The following HIVEP1 variants were observed in gnomAD, a reference collection of about 807,000 sequenced individuals.
HIVEP1 encodes the protein zinc finger protein 40.
Under a neutral mutation model 180.0 loss-of-function variants are expected in HIVEP1, and 36 were observed. The observed-to-expected ratio is 0.20, with a 90% confidence interval of 0.15 to 0.26. The LOEUF is 0.26. Among genes scored for constraint, HIVEP1 ranks in the 10% least tolerant of loss-of-function variants. The pLI, the probability that HIVEP1 is intolerant of heterozygous loss-of-function variation, is 1.00. For synonymous variants in HIVEP1, 1,239 were observed against 1,239.0 expected (o/e 1.00, Z 0.00); for missense variants, 3,143 against 3,268.7 (o/e 0.96, Z 0.94).
At chr6:12,180,535 ATT>A in the HIVEP1 span, among the ~76,000 whole-genome samples, 1 of 152,178 alleles carries the variant, frequency 6.6e-6, no homozygotes, top group Non-Finnish European at 1.5e-5. Context: ...CAAAATTATT[ATT>A]GTTTCTTAAT....
rs181045888 is a variant in HIVEP1, at chr6:12,134,127, A to G, written c.6386-1664A>G. On this transcript the variant is annotated intron_variant, in intron 6 of 8. Transcript: ENST00000379388. ...CCATTTTTATAATTTCTTAATGTGA[A>G]AACTTTAAAGCTGTCACATAAAAGT... Among the ~76,000 whole-genome samples the G allele has an allele frequency of 2.3e-3, 350 of 152,330 alleles. 3 individuals carry two copies. Among genetic ancestry groups the G allele is most frequent in the Non-Finnish European group, 3.2e-3 (218 of 68,028 alleles).
At chr6:12,204,378 T>C in the HIVEP1 span, among the ~76,000 whole-genome samples, 2 of 4,394 alleles carry the variant, frequency 4.6e-4, no homozygotes, top group African/African-American at 1.1e-3. Flanking sequence ...CCGTCTATCC[T>C]CCCCTTTCTC....
In HIVEP1 at chr6:12,031,797, T is replaced by C. The variant is rs150732000; in HGVS notation, c.40+16129T>C. On this transcript the variant is annotated intron_variant, in intron 2 of 8. Coordinates refer to ENST00000379388, the MANE Select transcript of HIVEP1 (RefSeq NM_002114.4). ...GGTTCTTGACAGTTTTGTGTGGCTT[T>C]ATGGTTGCGTTTTGTGGAGAGGATT... Among the ~76,000 whole-genome samples, 10 of 152,312 alleles carry C rather than the reference T, an allele frequency of 6.6e-5. No homozygotes were observed. The East Asian group carries it at 1.9e-3, about 29-fold the overall frequency.
intron 3 of HIVEP1, among the ~76,000 whole-genome samples, chr6:12,111,069 T>G (rs775105197): frequency 6.4e-4 from 97 of 152,240 alleles, no homozygotes; most frequent in Non-Finnish European, 1.0e-3. Flanking sequence ...TTATTAAGTT[T>G]ACTGTGTTAC....
At chr6:12,206,993 C>T in the HIVEP1 span, among the ~76,000 whole-genome samples, 5 of 152,046 alleles carry the variant, frequency 3.3e-5, no homozygotes, top group South Asian at 2.1e-4. Context: ...TGTTAATAAA[C>T]CTAGGGGGTT....
the HIVEP1 span, among the ~76,000 whole-genome samples, chr6:12,178,870 A>C: frequency 6.6e-6 from 1 of 152,232 alleles, no homozygotes; most frequent in Non-Finnish European, 1.5e-5. Flanking sequence ...ATGTCTGAAT[A>C]AACGACAGTA....
the HIVEP1 span, among the ~76,000 whole-genome samples, chr6:12,197,552 C>CAA: frequency 1.8e-3 from 180 of 98,802 alleles, 2 homozygotes; most frequent in East Asian, 0.014. Flanking sequence ...GAGACTGTCT[C>CAA]AAAAAAAAAA....
chr6:12,040,891 G>T (rs9349059), intron 2 of HIVEP1, among the ~76,000 whole-genome samples: 1 of 151,908 alleles, frequency 6.6e-6, no homozygotes, highest in South Asian at 2.1e-4. Flanking sequence ...TGGGGGGGAC[G>T]TGCCACACAC....
chr6:12,149,401 T>G (rs1160051520), intron 7 of HIVEP1, among the ~76,000 whole-genome samples: 1 of 152,198 alleles, frequency 6.6e-6, no homozygotes, highest in Non-Finnish European at 1.5e-5. Context: ...GGCTTAGTCA[T>G]TTAACTGATC....
intron 2 of HIVEP1, among the ~76,000 whole-genome samples, chr6:12,046,448 C>T (rs1395184937): frequency 1.3e-5 from 2 of 152,098 alleles, no homozygotes; most frequent in African/African-American, 2.4e-5. Flanking sequence ...CTGCAGCCCC[C>T]CTAGAAAGTG....
At chr6:12,168,839 T>A (rs1760828471), downstream of HIVEP1, among the ~76,000 whole-genome samples, 1 of 152,138 alleles carries the variant, frequency 6.6e-6, no homozygotes, top group Non-Finnish European at 1.5e-5. Flanking sequence ...ACGTTTAAAG[T>A]AGGGTAGGCT....
At chr6:12,189,403 T>A in the HIVEP1 span, among the ~76,000 whole-genome samples, 2 of 152,012 alleles carry the variant, frequency 1.3e-5, no homozygotes, top group Non-Finnish European at 2.9e-5. Context: ...GAGTTATAAA[T>A]GGATAAAATA....
Position 12,131,779 on chromosome 6 carries a change from TA to T in HIVEP1, c.6385+863del, listed in dbSNP as rs143910763. On this transcript the variant is annotated intron_variant, in intron 6 of 8. Coordinates refer to ENST00000379388, the MANE Select transcript of HIVEP1 (RefSeq NM_002114.4). ...CGTGAAAACATGTCTGAGAAAACAG[TA>T]AAAAAAAAAAAAAAAAAAAAAAAAA... Among the ~76,000 whole-genome samples the T allele has an allele frequency of 1.3e-4, 12 of 90,670 alleles. No homozygotes were observed. The South Asian group carries it at 1.5e-3, about 11-fold the overall frequency. The allele number at this position is 90,670 out of a possible 152,430, so 59.5% of individuals were successfully genotyped here. A position where few individuals can be genotyped will look rare whatever the true frequency, so the allele number is the denominator to read the frequency against.
chr6:12,111,678 C>G (rs1581703818), intron 3 of HIVEP1, among the ~76,000 whole-genome samples: 1 of 152,246 alleles, frequency 6.6e-6, no homozygotes, highest in East Asian at 1.9e-4. Flanking sequence ...CATTTCCTGT[C>G]TCTCTCCTGC....
At chr6:12,101,013 T>A (rs1774083219) in intron 3 of HIVEP1, among the ~76,000 whole-genome samples, 1 of 152,234 alleles carries the variant, frequency 6.6e-6, no homozygotes, top group South Asian at 2.1e-4. Context: ...GTTAGCAACA[T>A]TTAGATTTTT....
chr6:12,090,734 C>G (rs62395312), intron 3 of HIVEP1, among the ~76,000 whole-genome samples: 303 of 103,106 alleles, frequency 2.9e-3, no homozygotes, highest in Non-Finnish European at 5.2e-3. Context: ...CTATAGCCAG[C>G]CTTTTTTTTT....
intron 8 of HIVEP1, among the ~76,000 whole-genome samples, chr6:12,162,770 A>G (rs1393379484): frequency 6.6e-6 from 1 of 152,236 alleles, no homozygotes; most frequent in Non-Finnish European, 1.5e-5. Flanking sequence ...TAAACTTGCA[A>G]GTGATAGACA....
chr6:12,173,430 C>T, the HIVEP1 span, among the ~76,000 whole-genome samples: 3 of 152,040 alleles, frequency 2.0e-5, no homozygotes, highest in African/African-American at 4.8e-5. Flanking sequence ...GGAAAGAAAG[C>T]GATGACAGGA....
the HIVEP1 span, among the ~76,000 whole-genome samples, chr6:12,172,520 A>T: frequency 7.9e-5 from 12 of 152,218 alleles, no homozygotes; most frequent in African/African-American, 2.4e-4. Context: ...GCTCAAAGAG[A>T]TATTGATAAA....
Sources: gnomAD v4.1 joint callset for allele counts (sites outside exome capture counted in the v4.1 genomes callset) on GRCh38, gnomAD v4.1.1 for gene constraint, MANE v1.5 for transcripts, NCBI Gene and HGNC (gene_info 2026-07-23, HGNC 2026-07-21) for gene names.